EYA1: variants seen among roughly 807,000 people sequenced by gnomAD.
EYA1 encodes EYA transcriptional coactivator and phosphatase 1, also known as protein phosphatase EYA1.
Under a neutral mutation model 82.0 loss-of-function variants are expected in EYA1, and 16 were observed. The observed-to-expected ratio is 0.20, with a 90% CI of 0.13 to 0.30. The LOEUF is 0.30. Among genes scored for constraint, EYA1 ranks in the 10% least tolerant of loss-of-function variants. EYA1 has a pLI of 1.00. For synonymous variants in EYA1, 261 were observed against 264.4 expected (o/e 0.99, Z 0.12); for missense variants, 633 against 730.7 (o/e 0.87, Z 1.54).
At chr8:71,512,942 G>T (rs1259581057) in intron 2 of EYA1, among the ~76,000 whole-genome samples, 1 of 152,078 alleles carries the variant, frequency 6.6e-6, no homozygotes, top group Non-Finnish European at 1.5e-5. Context: ...GGATATTCAA[G>T]GAGAAAAATA....
chr8:71,463,613 CT>C lies in EYA1; in HGVS notation c.33+72130del, dbSNP rs1563640049. On this transcript the variant is annotated intron_variant, in intron 2 of 18. Coordinates refer to the EYA1 transcript ENST00000643681. ...TCTCTCTCTCTCTCTCTCTCTCTCTCTCTCTCTCTCTCTCTCTCTCCCTCCC... is the reference window on the plus strand; with the variant it reads ...TCTCTCTCTCTCTCTCTCTCTCTCTCCTCTCTCTCTCTCTCTCTCCCTCCC... Among the ~76,000 whole-genome samples the C allele has an allele frequency of 4.8e-3, 660 of 136,338 alleles. 24 individuals carry two copies. The highest frequency in any genetic ancestry group is 0.018 in the African/African-American group (602 of 32,882). The allele number at this position is 136,338 out of a possible 152,430, so 89.4% of individuals were successfully genotyped here.
At chr8:71,285,625 T>C (rs1818286195) in intron 9 of EYA1, among the ~76,000 whole-genome samples, 1 of 152,236 alleles carries the variant, frequency 6.6e-6, no homozygotes, top group South Asian at 2.1e-4. Flanking sequence ...AAGAGGCATG[T>C]GCTCTTGGGA....
At chr8:71,469,924 G>A (rs1327420076) in intron 2 of EYA1, among the ~76,000 whole-genome samples, 1 of 152,074 alleles carries the variant, frequency 6.6e-6, no homozygotes, top group Admixed American at 6.6e-5. Context: ...AAACTCTAAA[G>A]TGAGGGTCCC....
intron 17 of EYA1, among the ~76,000 whole-genome samples, chr8:71,204,606 T>A (rs1807501348): frequency 6.6e-6 from 1 of 152,186 alleles, no homozygotes; most frequent in South Asian, 2.1e-4. Flanking sequence ...GCATTAGAGA[T>A]GCAAAGCTTC....
At chr8:71,534,725 G>T (rs1359872762) in intron 2 of EYA1, among the ~76,000 whole-genome samples, 1 of 152,076 alleles carries the variant, frequency 6.6e-6, no homozygotes, top group East Asian at 1.9e-4. Context: ...ACACAGGGAG[G>T]GGAACAACAT....
intron 2 of EYA1, among the ~76,000 whole-genome samples, chr8:71,503,119 C>T (rs1356777635): frequency 6.6e-6 from 1 of 152,060 alleles, no homozygotes; most frequent in African/African-American, 2.4e-5. Flanking sequence ...AGCACAGGTC[C>T]TGACTTACAG....
chr8:71,236,312 G>C (rs1169081281), intron 12 of EYA1, among the ~76,000 whole-genome samples: 1 of 152,092 alleles, frequency 6.6e-6, no homozygotes, highest in East Asian at 1.9e-4. Context: ...CTGAGATTAA[G>C]GCATGAGCCA....
chr8:71,225,352 A>C (rs1335345087), intron 12 of EYA1: 1 of 455,946 alleles, frequency 2.2e-6, no homozygotes, highest in South Asian at 1.5e-5. Context: ...CACACTGGCA[A>C]TCGCTGGCAG....
rs1402833276 is a variant in EYA1, at chr8:71,362,030, C to T, written c.-438G>A. 14 of 985,390 alleles carry T rather than the reference C, an allele frequency of 1.4e-5. No individual in the cohort carries two copies. Among genetic ancestry groups the T allele is most frequent in the Non-Finnish European group, 1.7e-5 (14 of 829,996 alleles). The allele number at this position is 985,390 out of a possible 1,614,324, so 61.0% of individuals were successfully genotyped here. On this transcript the variant is annotated 5_prime_UTR_variant, in exon 1 of 18. Coordinates refer to ENST00000340726, the MANE Select transcript of EYA1 (RefSeq NM_000503.6). ...TTTGGTAACAGCTTTGCGCCCAGCG[C>T]TCCTTCCCCACCAAACAGCAGCGGC...
intron 2 of EYA1, among the ~76,000 whole-genome samples, chr8:71,505,787 T>A (rs144643705): frequency 2.0e-5 from 3 of 152,166 alleles, no homozygotes; most frequent in African/African-American, 7.2e-5. Flanking sequence ...ATTTCTATGA[T>A]TGATATGGTT....
At chr8:71,537,838 G>A (rs1343922869) in intron 1 of EYA1, among the ~76,000 whole-genome samples, 2 of 152,172 alleles carry the variant, frequency 1.3e-5, no homozygotes, top group African/African-American at 2.4e-5. Context: ...AGTTACATGA[G>A]CATGAAAGGT....
intron 1 of EYA1, among the ~76,000 whole-genome samples, chr8:71,536,999 T>C (rs1243106348): frequency 6.6e-6 from 1 of 152,230 alleles, no homozygotes; most frequent in African/African-American, 2.4e-5. Context: ...TATTTTGTAA[T>C]GTAATGAGTC....
chr8:71,529,632 C>G (rs1466499549), intron 2 of EYA1: 1 of 152,198 alleles, frequency 6.6e-6, no homozygotes, highest in Non-Finnish European at 1.5e-5. Flanking sequence ...GTTTCTGCTG[C>G]AGCGACCTGC....
At chr8:71,397,295 G>T (rs927131191) in intron 2 of EYA1, among the ~76,000 whole-genome samples, 1 of 152,106 alleles carries the variant, frequency 6.6e-6, no homozygotes, top group Non-Finnish European at 1.5e-5. Context: ...TACATTTAAG[G>T]TTAATATTGT....
At chr8:71,207,799 G>GT (rs1469491667) in intron 17 of EYA1, among the ~76,000 whole-genome samples, 1 of 142,394 alleles carries the variant, frequency 7.0e-6, no homozygotes, top group East Asian at 3.9e-4. Context: ...AGGAAAGAAG[G>GT]TTAAAAAAAA....
intron 3 of EYA1, among the ~76,000 whole-genome samples, chr8:71,347,766 C>G (rs531993622): frequency 1.3e-5 from 2 of 149,674 alleles, no homozygotes; most frequent in East Asian, 2.0e-4. Flanking sequence ...ACTCATGTTA[C>G]AATGTTAAGA....
intron 2 of EYA1, among the ~76,000 whole-genome samples, chr8:71,388,013 C>T (rs984124537): frequency 1.3e-5 from 2 of 152,146 alleles, no homozygotes; most frequent in Non-Finnish European, 2.9e-5. Flanking sequence ...ATGCCAGGAA[C>T]TGTGCTAAGC....
At chr8:71,440,125 T>C (rs1028219873) in intron 2 of EYA1, among the ~76,000 whole-genome samples, 1 of 152,014 alleles carries the variant, frequency 6.6e-6, no homozygotes, top group Non-Finnish European at 1.5e-5. Flanking sequence ...CAAATGAAAA[T>C]AGCCTATGAA....
At chr8:71,476,231 T>C (rs761675666) in intron 2 of EYA1, among the ~76,000 whole-genome samples, 3 of 152,126 alleles carry the variant, frequency 2.0e-5, no homozygotes, top group Non-Finnish European at 4.4e-5. Flanking sequence ...TTTTACAAAA[T>C]TCAATTCTTC....
Sources: gnomAD v4.1 joint callset for allele counts (sites outside exome capture counted in the v4.1 genomes callset) on GRCh38, gnomAD v4.1.1 for gene constraint, MANE v1.5 for transcripts, NCBI Gene and HGNC (gene_info 2026-07-23, HGNC 2026-07-21) for gene names.